The following ELP5 variants were observed in gnomAD, a reference collection of about 807,000 sequenced individuals.
The protein encoded by ELP5 is elongator acetyltransferase complex subunit 5.
ELP5 carries 34 observed loss-of-function variants against 33.4 expected under a neutral mutation model. That is an observed-to-expected ratio of 1.02 (90% CI 0.78 to 1.36). The LOEUF is 1.36. ELP5 is among the 40% of genes most tolerant of loss of function. ELP5 has a pLI of 0.00. For missense variants in ELP5, 373 were observed against 371.7 expected (o/e 1.00, Z -0.03); for synonymous variants, 161 against 146.4 (o/e 1.10, Z -0.72).
At position 7,252,367 on chromosome 17, in the gene ELP5, G is replaced by T; in HGVS notation, c.-184G>T. On this transcript the variant is annotated 5_prime_UTR_variant, in exon 1 of 8. Transcript: ENST00000396628. ...GACTGTGCGCCAGGGCTCGGGGAGG[G>T]GCGCCCTCCGCGTGAGCGCCCCCCT... The T allele has an allele frequency of 1.1e-6, 1 of 873,916 alleles. No individual in the cohort carries two copies. The highest frequency in any genetic ancestry group is 1.8e-6 in the Non-Finnish European group (1 of 550,890). 54.1% of individuals were successfully genotyped at this position (873,916 alleles called of 1,614,324 possible).
rs142613152 is a variant in ELP5 at position 7,258,607 on chromosome 17, T to C, written c.611T>C (p.Leu204Pro). ...CTCCAGACTCAGTGGTTCTCCATCC[T>C]TCCGGACTTCAGCCTGGATCTCCAA... The part of the protein sequence containing the change: ...PTDQTQWFSI[L>P]PDFSLDLQEG... Residue 204 changes from leucine to proline, a missense_variant, in exon 6 of 8, where the codon CTT becomes CCT. Transcript: ENST00000396628. 5.9e-5 allele frequency: 95 copies of C among 1,614,198 alleles called. 1 individual carries two copies. In the African/African-American group the frequency reaches 1.0e-3, roughly 17 times the overall value.
At chr17:7,252,700 A>C (rs777196644) in intron 1 of ELP5, 70 bp from the exon 2 acceptor site, 87 of 1,610,690 alleles carry the variant, frequency 5.4e-5, no homozygotes, top group Admixed American at 1.0e-4. Flanking sequence ...TAGGTGTGGA[A>C]ATCGCGACGG....
At chr17:7,256,404 C>T (rs142471016) in intron 4 of ELP5, among the ~76,000 whole-genome samples, 186 of 152,292 alleles carry the variant, frequency 1.2e-3, no homozygotes, top group Admixed American at 2.1e-3. Flanking sequence ...GACCTAAAAA[C>T]GCTGACCTTT....
chr17:7,259,417 G>A lies in ELP5; in HGVS notation c.789-154G>A, dbSNP rs1054743181. ...TATCCCAGTACCAAATGGTGCTTCA[G>A]CTCTAACATGGAGGTCAGAGAAAGG... is the stretch of plus-strand genomic sequence containing the variant. On this transcript the variant is annotated intron_variant, in intron 7 of 7. Coordinates refer to ENST00000396628, the MANE Select transcript of ELP5 (RefSeq NM_203414.3). 2.8e-6 allele frequency: 4 copies of A among 1,453,774 alleles called. No individual in the cohort carries two copies. In the Admixed American group the frequency reaches 1.1e-4, roughly 39 times the overall value. The allele number at this position is 1,453,774 out of a possible 1,614,324, so 90.1% of individuals were successfully genotyped here.
Position 7,258,830 on chromosome 17 carries a change from A to C in ELP5, c.692A>C (p.Asp231Ala). ...PYSDPHIPPV[D>A]PTTHLTFNLH... ...CAGCATCCTTTGTACCTACAGGTGG[A>C]TCCCACAACTCATTTGACCTTTAAC... Residue 231 changes from aspartate (D) to alanine (A), a missense_variant, in exon 7 of 8, where the codon GAT becomes GCT. Coordinates refer to ENST00000396628, the MANE Select transcript of ELP5 (RefSeq NM_203414.3). 1 of 1,614,176 alleles carries C rather than the reference A, an allele frequency of 6.2e-7. No individual in the cohort carries two copies. Among genetic ancestry groups the C allele is most frequent in the African/African-American group, 1.3e-5 (1 of 75,038 alleles).
intron 4 of ELP5, 151 bp from the exon 5 acceptor site, chr17:7,256,706 G>C (rs2072082253): frequency 5.8e-6 from 4 of 684,654 alleles, no homozygotes; most frequent in Non-Finnish European, 7.5e-6. Flanking sequence ...GGCTGGAGGA[G>C]GCTCAGAGCA....
chr17:7,252,446 T>A lies in ELP5; in HGVS notation c.-105T>A. The A allele has an allele frequency of 6.5e-7, 1 of 1,542,892 alleles. No homozygotes were observed. The highest frequency in any genetic ancestry group is 8.9e-7 in the Non-Finnish European group (1 of 1,123,430). On this transcript the variant is annotated 5_prime_UTR_variant, in exon 1 of 8. Transcript: ENST00000396628. Reference sequence around the variant, plus strand: ...TCCAGACTATGTTAGGTCTTAATGGTGGGAGGACGCCCGAGTGCTCGGCCC... The same window carrying A: ...TCCAGACTATGTTAGGTCTTAATGGAGGGAGGACGCCCGAGTGCTCGGCCC...
intron 5 of ELP5, among the ~76,000 whole-genome samples, chr17:7,257,812 A>C (rs2072110877): frequency 1.3e-5 from 2 of 152,320 alleles, no homozygotes; most frequent in South Asian, 4.1e-4. Context: ...GCTCAGGCCC[A>C]TAATCCCAGC....
intron 3 of ELP5, among the ~76,000 whole-genome samples, chr17:7,253,514 T>C (rs528821166): frequency 2.0e-5 from 3 of 152,268 alleles, no homozygotes; most frequent in African/African-American, 2.4e-5. Context: ...GAAGAAAGTA[T>C]TGAGATAAGG....
chr17:7,254,388 G>A (rs991996761), intron 3 of ELP5, among the ~76,000 whole-genome samples, 195 bp from the exon 4 acceptor site: 27 of 152,190 alleles, frequency 1.8e-4, no homozygotes, highest in African/African-American at 6.3e-4. Context: ...GCAAAGCCAA[G>A]CTTGGAGATC....
intron 7 of ELP5, 107 bp from the exon 8 acceptor site, chr17:7,259,464 A>C (rs2072160847): frequency 6.5e-7 from 1 of 1,547,920 alleles, no homozygotes; most frequent in Admixed American, 2.0e-5. Context: ...ATAAAATGAC[A>C]TGGAGGCCTA....
chr17:7,258,608 T>G lies in ELP5; in HGVS notation c.612T>G (p.Leu204=), dbSNP rs147921184. Residue 204 remains leucine, a synonymous_variant, in exon 6 of 8, where the codon CTT becomes CTG. Transcript: ENST00000396628. ...PTDQTQWFSI[L]PDFSLDLQEG... ...TCCAGACTCAGTGGTTCTCCATCCT[T>G]CCGGACTTCAGCCTGGATCTCCAAG... 1.1e-3 allele frequency: 1,719 copies of G among 1,614,160 alleles called. No homozygotes were observed. Among genetic ancestry groups the G allele is most frequent in the Admixed American group, 1.9e-3 (114 of 60,010 alleles).
chr17:7,253,778 C>T (rs569021879), intron 3 of ELP5, among the ~76,000 whole-genome samples: 4 of 152,120 alleles, frequency 2.6e-5, no homozygotes, highest in African/African-American at 9.7e-5. Flanking sequence ...GGTGGATCAC[C>T]TGAGGTCTGG....
At chr17:7,257,547 C>T (rs1430183435) in intron 5 of ELP5, among the ~76,000 whole-genome samples, 1 of 151,672 alleles carries the variant, frequency 6.6e-6, no homozygotes, top group African/African-American at 2.4e-5. Flanking sequence ...CCTCCTGCCT[C>T]AGCCTCTGGT....
At chr17:7,257,697 A>G (rs2072108448) in intron 5 of ELP5, among the ~76,000 whole-genome samples, 1 of 152,152 alleles carries the variant, frequency 6.6e-6, no homozygotes, top group South Asian at 2.1e-4. Flanking sequence ...TTGGTCTCCC[A>G]AAGTGCTGGG....
At chr17:7,256,801 C>T (rs1269050712) in intron 4 of ELP5, 56 bp from the exon 5 acceptor site, 2 of 1,577,526 alleles carry the variant, frequency 1.3e-6, no homozygotes, top group African/African-American at 2.7e-5. Context: ...ACTGTTAGCT[C>T]CCAGGCCACC....
At chr17:7,258,791 A>G (rs761294409) in intron 6 of ELP5, 35 bp from the exon 7 acceptor site, 17 of 1,614,116 alleles carry the variant, frequency 1.1e-5, no homozygotes, top group Non-Finnish European at 1.4e-5. Context: ...GATTCTAGGG[A>G]TGGGGCAGAG....
At chr17:7,256,032 G>A (rs562660137) in intron 4 of ELP5, among the ~76,000 whole-genome samples, 8 of 150,880 alleles carry the variant, frequency 5.3e-5, no homozygotes, top group South Asian at 4.2e-4. Context: ...CTGCAGCCTG[G>A]GTGACAGAGA....
At position 7,259,199 on chromosome 17, in the gene ELP5, G is replaced by A. The variant is rs2072153694; in HGVS notation, c.788+273G>A. On this transcript the variant is annotated intron_variant, in intron 7 of 7. Transcript: ENST00000396628. ...GAGCCAGACCAGACCCTTGGGAGGT[G>A]GCCCTATCCCTAGGCAGTGGTGCTA... 3.6e-6 allele frequency: 5 copies of A among 1,389,962 alleles called. No individual in the cohort carries two copies. In the South Asian group the frequency reaches 7.8e-5, roughly 22 times the overall value. 86.1% of individuals were successfully genotyped at this position (1,389,962 alleles called of 1,614,324 possible). A position where few individuals can be genotyped will look rare whatever the true frequency, so the allele number is the denominator to read the frequency against.
Sources: allele counts gnomAD v4.1 joint callset (sites outside exome capture counted in the v4.1 genomes callset), GRCh38; gene constraint gnomAD v4.1.1; transcripts MANE v1.5; gene names NCBI Gene and HGNC (gene_info 2026-07-23, HGNC 2026-07-21).